HSD17B12: variants seen among roughly 807,000 people sequenced by gnomAD.
The protein encoded by HSD17B12 is hydroxysteroid 17-beta dehydrogenase 12.
In HSD17B12, 32 loss-of-function variants were observed where a neutral mutation model predicts 39.3. The observed-to-expected ratio is 0.81, with a 90% CI of 0.61 to 1.09. The LOEUF (loss-of-function observed/expected upper bound fraction) is 1.09. HSD17B12 is among the 50% of genes least tolerant of loss of function. The probability of loss-of-function intolerance (pLI) is 0.00; values close to 1 mark genes in which losing one functional copy is unlikely to be tolerated. For synonymous variants in HSD17B12, 150 were observed against 146.7 expected (o/e 1.02, Z -0.16); for missense variants, 342 against 382.9 (o/e 0.89, Z 0.89).
intron 4 of HSD17B12, among the ~76,000 whole-genome samples, chr11:43,800,966 C>G (rs947363600): frequency 6.6e-6 from 1 of 152,002 alleles, no homozygotes; most frequent in African/African-American, 2.4e-5. Context: ...TGACGAAACC[C>G]CATCTCTACT....
chr11:43,760,246 C>T (rs1026726450), intron 3 of HSD17B12, among the ~76,000 whole-genome samples: 4 of 152,008 alleles, frequency 2.6e-5, no homozygotes, highest in African/African-American at 9.7e-5. Context: ...AACAGGGTTT[C>T]GCCATGTTAC....
chr11:43,653,356 TAGG>T, the HSD17B12 span, among the ~76,000 whole-genome samples: 1 of 151,838 alleles, frequency 6.6e-6, no homozygotes, highest in Non-Finnish European at 1.5e-5. Context: ...TAGAAGAAAA[TAGG>T]AGAAAAATCT....
chr11:43,699,703 T>G (rs960689351), intron 1 of HSD17B12, among the ~76,000 whole-genome samples: 1 of 152,198 alleles, frequency 6.6e-6, no homozygotes, highest in Non-Finnish European at 1.5e-5. Flanking sequence ...CACATTCAAG[T>G]TCAGTTTATT....
rs1951565959 is a variant in HSD17B12, at chr11:43,854,783, T to A, written c.753T>A (p.Ser251=). ...KIRKPTLDKP[S]PETFVKSAIK... ...GGAAGCCAACTTTGGATAAGCCCTC[T>A]CCGGAGACGTTTGTGAAGTCTGCAA... The change falls in exon 10 of 11, where the codon TCT becomes TCA. Residue 251 remains serine, a synonymous_variant. Transcript: ENST00000278353. The A allele has an allele frequency of 1.2e-6, 2 of 1,614,176 alleles. No homozygotes were observed. The highest frequency in any genetic ancestry group is 8.5e-7 in the Non-Finnish European group (1 of 1,180,028).
Position 43,680,972 on chromosome 11 carries a change from C to T in HSD17B12, c.145C>T (p.Leu49Phe), listed in dbSNP as rs766051994. 3.1e-6 allele frequency: 5 copies of T among 1,605,144 alleles called. No homozygotes were observed. The South Asian group carries it at 4.4e-5, about 14-fold the overall frequency. ...GAATGAGGCGGGGGTCGGCCCGGGGCTCGGAGAATGGGCAGGTGAGTCGGA... is the reference window on the plus strand; with the variant it reads ...GAATGAGGCGGGGGTCGGCCCGGGGTTCGGAGAATGGGCAGGTGAGTCGGA... ...VGNEAGVGPG[L>F]GEWAVVTGST... Residue 49 changes from leucine (L) to phenylalanine (F), a missense_variant, in exon 1 of 11, where the codon CTC (leucine) becomes TTC (phenylalanine). Transcript: ENST00000278353.
chr11:43,726,656 G>T (rs1046558211), intron 1 of HSD17B12, among the ~76,000 whole-genome samples: 7 of 152,174 alleles, frequency 4.6e-5, no homozygotes, highest in African/African-American at 1.7e-4. Flanking sequence ...AATGAAAGAA[G>T]AATTTTCCAA....
chr11:43,818,476 T>C lies in HSD17B12; in HGVS notation c.501+2085T>C, dbSNP rs1951151184. 3.3e-5 allele frequency among the ~76,000 whole-genome samples: 5 copies of C among 152,232 alleles called. No homozygotes were observed. In the South Asian group the frequency reaches 1.0e-3, roughly 31 times the overall value. On this transcript the variant is annotated intron_variant, in intron 6 of 10. Coordinates refer to ENST00000278353, the MANE Select transcript of HSD17B12 (RefSeq NM_016142.3). ...AAATATACTGTACTTTGATTATACATACCAGAGCAGTGAAAAATAATTGCC... is the reference window on the plus strand; with the variant it reads ...AAATATACTGTACTTTGATTATACACACCAGAGCAGTGAAAAATAATTGCC...
At chr11:43,675,995 C>CTAATTGGG (rs1949690950), upstream of HSD17B12, among the ~76,000 whole-genome samples, 1 of 152,008 alleles carries the variant, frequency 6.6e-6, no homozygotes, top group Non-Finnish European at 1.5e-5. Context: ...ACCTGTAACC[C>CTAATTGGG]CAGCTAATTG....
At chr11:43,767,998 C>G (rs1419058091) in intron 3 of HSD17B12, among the ~76,000 whole-genome samples, 1 of 152,218 alleles carries the variant, frequency 6.6e-6, no homozygotes, top group Non-Finnish European at 1.5e-5. Flanking sequence ...TGTTTAGGAA[C>G]TGCTGATGGA....
chr11:43,718,246 G>A (rs926166057), intron 1 of HSD17B12, among the ~76,000 whole-genome samples: 1 of 152,226 alleles, frequency 6.6e-6, no homozygotes, highest in African/African-American at 2.4e-5. Flanking sequence ...TGTTGCAGCT[G>A]TCTTTGGAAA....
At chr11:43,827,361 T>C (rs1480173281) in intron 6 of HSD17B12, among the ~76,000 whole-genome samples, 2 of 152,244 alleles carry the variant, frequency 1.3e-5, no homozygotes, top group Non-Finnish European at 2.9e-5. Flanking sequence ...TTACATGATA[T>C]GAGAATAATT....
the HSD17B12 span, among the ~76,000 whole-genome samples, chr11:43,651,820 C>G: frequency 0.018 from 2,674 of 152,272 alleles, 77 homozygotes; most frequent in African/African-American, 0.06. Context: ...CTCAAGTGAC[C>G]TGCCTGGTTA....
In HSD17B12 at chr11:43,720,849, A is replaced by G. The variant is rs115891587; in HGVS notation, c.161-30062A>G. Reference sequence around the variant, plus strand: ...ATTTGGCTTGGATAGAGTTTTAATGAAAAAAAACCAACATAATTTATCATC... The same window carrying G: ...ATTTGGCTTGGATAGAGTTTTAATGGAAAAAAACCAACATAATTTATCATC... On this transcript the variant is annotated intron_variant, in intron 1 of 10. Transcript: ENST00000278353. Among the ~76,000 whole-genome samples, 796 of 151,998 alleles carry G rather than the reference A, an allele frequency of 5.2e-3. 5 individuals carry two copies. Among genetic ancestry groups the G allele is most frequent in the African/African-American group, 0.019 (770 of 41,446 alleles).
the HSD17B12 span, among the ~76,000 whole-genome samples, chr11:43,603,576 A>G: frequency 6.6e-6 from 1 of 152,190 alleles, no homozygotes; most frequent in African/African-American, 2.4e-5. Flanking sequence ...TTTGTTGGCT[A>G]ACTTGAAGAA....
At chr11:43,739,159 CCTGGCTTCTTGTCT>C (rs373127715) in intron 1 of HSD17B12, among the ~76,000 whole-genome samples, 40 of 152,268 alleles carry the variant, frequency 2.6e-4, no homozygotes, top group African/African-American at 9.6e-4. Flanking sequence ...GGCTTTTCCC[CCTGGCTTCTTGTCT>C]CTGTTTCAGT....
chr11:43,759,705 C>T (rs1208738874), intron 3 of HSD17B12, among the ~76,000 whole-genome samples: 1 of 151,830 alleles, frequency 6.6e-6, no homozygotes, highest in Non-Finnish European at 1.5e-5. Context: ...GTCCTTTCTT[C>T]CTTCTCTTTT....
chr11:43,739,240 G>A lies in HSD17B12; in HGVS notation c.161-11671G>A, dbSNP rs117272127. On this transcript the variant is annotated intron_variant, in intron 1 of 10. Coordinates refer to ENST00000278353, the MANE Select transcript of HSD17B12 (RefSeq NM_016142.3). The stretch of plus-strand genomic sequence containing the variant: ...ATCAGCTTTCACAAAGGGGGAGTTC[G>A]GAGTACTATGGGGCAGAGAATTCTG... Among the ~76,000 whole-genome samples the A allele has an allele frequency of 3.9e-3, 598 of 152,214 alleles. 6 individuals carry two copies. In the East Asian group the frequency reaches 0.045, roughly 11 times the overall value.
At chr11:43,646,134 A>G in the HSD17B12 span, 1 of 152,314 alleles carries the variant, frequency 6.6e-6, no homozygotes, top group African/African-American at 2.4e-5. Context: ...AACCTGGGCA[A>G]CAGAGTGAGA....
the HSD17B12 span, among the ~76,000 whole-genome samples, chr11:43,608,697 C>A: frequency 6.6e-6 from 1 of 152,138 alleles, no homozygotes; most frequent in African/African-American, 2.4e-5. Flanking sequence ...AAATTAAAAT[C>A]TTTTGGCTAT....
Sources: gnomAD v4.1 joint callset for allele counts (sites outside exome capture counted in the v4.1 genomes callset) on GRCh38, gnomAD v4.1.1 for gene constraint, MANE v1.5 for transcripts, NCBI Gene and HGNC (gene_info 2026-07-23, HGNC 2026-07-21) for gene names.